GRAP2: variants seen among roughly 807,000 people sequenced by gnomAD.
GRAP2 encodes GRB2-related adapter protein 2.
A neutral mutation model predicts 43.5 loss-of-function variants in GRAP2; 31 were observed. The ratio of observed to expected loss-of-function variants is 0.71; its 90% CI spans 0.54 to 0.96. The LOEUF is 0.96. Among genes scored for constraint, GRAP2 ranks in the 40% least tolerant of loss-of-function variants. GRAP2 has a pLI of 0.00. For missense variants in GRAP2, 371 were observed against 424.4 expected (o/e 0.87, Z 1.11); for synonymous variants, 156 against 164.8 (o/e 0.95, Z 0.41).
chr22:39,928,017 G>A (rs549970992), intron 1 of GRAP2, among the ~76,000 whole-genome samples: 27 of 152,286 alleles, frequency 1.8e-4, no homozygotes, highest in African/African-American at 6.5e-4. Flanking sequence ...AGAGATCACT[G>A]TCCCTAAAGG....
chr22:39,962,962 C>T, intron 4 of GRAP2, among the ~76,000 whole-genome samples: 1 of 152,126 alleles, frequency 6.6e-6, no homozygotes, highest in East Asian at 1.9e-4. Context: ...ACCCACTGTG[C>T]CCGGACCCAG....
intron 1 of GRAP2, among the ~76,000 whole-genome samples, chr22:39,934,407 G>C (rs1296471882): frequency 2.0e-5 from 3 of 152,134 alleles, no homozygotes; most frequent in African/African-American, 7.2e-5. Context: ...AGCCCTACCT[G>C]ATTCAAAAGT....
At chr22:39,910,033 A>G (rs1404770301) in intron 1 of GRAP2, among the ~76,000 whole-genome samples, 8 of 152,254 alleles carry the variant, frequency 5.3e-5, no homozygotes, top group African/African-American at 1.9e-4. Context: ...CCTGCTTCCA[A>G]TCATGTCCCT....
intron 1 of GRAP2, among the ~76,000 whole-genome samples, chr22:39,935,800 C>T (rs2066801159): frequency 6.6e-6 from 1 of 152,132 alleles, no homozygotes; most frequent in Non-Finnish European, 1.5e-5. Flanking sequence ...TCATGCCGTC[C>T]TCTGCTGACA....
In GRAP2 at chr22:39,960,044, C is replaced by T. The variant is rs757916876; in HGVS notation, c.171-11C>T. 45 of 1,613,132 alleles carry T rather than the reference C, an allele frequency of 2.8e-5. No homozygotes were observed. The highest frequency in any genetic ancestry group is 1.1e-4 in the African/African-American group (8 of 75,014). ...TCATCCTGATCCTTTTGTTTGATCT[C>T]GCCCCCACAGATGGTTTCACGAAGG... On this transcript the variant is annotated splice_polypyrimidine_tract_variant and intron_variant, in intron 3 of 7. Transcript: ENST00000344138.
chr22:39,934,371 G>A (rs933900053), intron 1 of GRAP2, among the ~76,000 whole-genome samples: 16 of 152,282 alleles, frequency 1.1e-4, no homozygotes, highest in African/African-American at 3.6e-4. Context: ...CAACTTGCAT[G>A]AATGAAGGAG....
chr22:39,949,330 T>G (rs2066957554), intron 2 of GRAP2, among the ~76,000 whole-genome samples: 1 of 152,134 alleles, frequency 6.6e-6, no homozygotes, highest in African/African-American at 2.4e-5. Context: ...GCTAAGTGGT[T>G]TGCAGGCATG....
At chr22:39,926,952 C>A in intron 1 of GRAP2, 1 of 592,874 alleles carries the variant, frequency 1.7e-6, no homozygotes, top group Non-Finnish European at 2.1e-6. Context: ...CAGCCTGGAT[C>A]CAGCCCAGTT....
intron 1 of GRAP2, among the ~76,000 whole-genome samples, chr22:39,936,411 G>A (rs970964793): frequency 1.3e-5 from 2 of 152,162 alleles, no homozygotes; most frequent in Non-Finnish European, 2.9e-5. Flanking sequence ...AGTGAGGCTC[G>A]AAGTAGCATT....
In GRAP2 at chr22:39,923,988, C is replaced by T. The variant is rs557314726; in HGVS notation, c.-15+22658C>T. ...AAAAATCCCACGTGCTGCTCACTGG[C>T]GTATGTACCATAAAAACTGAACGTA... On this transcript the variant is annotated intron_variant, in intron 1 of 7. Transcript: ENST00000344138. 2.0e-5 allele frequency among the ~76,000 whole-genome samples: 3 copies of T among 152,280 alleles called. No homozygotes were observed. The East Asian group carries it at 5.8e-4, about 29-fold the overall frequency.
intron 1 of GRAP2, among the ~76,000 whole-genome samples, chr22:39,944,960 A>ACTGTC (rs1392582340): frequency 3.9e-5 from 6 of 152,222 alleles, no homozygotes; most frequent in Non-Finnish European, 7.3e-5. Context: ...CGAGGCGACC[A>ACTGTC]CTGTCTACTG....
chr22:39,897,515 C>CTTTTTT (rs368180670), upstream of GRAP2, among the ~76,000 whole-genome samples: 5 of 127,636 alleles, frequency 3.9e-5, no homozygotes, highest in African/African-American at 9.0e-5. Flanking sequence ...AAAGTAGCCT[C>CTTTTTT]TTTTTTTTTT....
At chr22:39,946,284 C>T (rs1056708216) in intron 1 of GRAP2, among the ~76,000 whole-genome samples, 1 of 152,174 alleles carries the variant, frequency 6.6e-6, no homozygotes, top group African/African-American at 2.4e-5. Context: ...CAGCTATCTA[C>T]CAACAAAACT....
intron 1 of GRAP2, among the ~76,000 whole-genome samples, chr22:39,930,769 C>T (rs2066748367): frequency 6.6e-6 from 1 of 152,226 alleles, no homozygotes. Flanking sequence ...AGTCCAATCA[C>T]TGATCCCATC....
At position 39,968,040 on chromosome 22, in the gene GRAP2, AG is replaced by A; in HGVS notation, c.461del. 1 of 1,611,796 alleles carries A rather than the reference AG, an allele frequency of 6.2e-7. No homozygotes were observed. The highest frequency in any genetic ancestry group is 8.5e-7 in the Non-Finnish European group (1 of 1,178,550). ...CTGCAGCATCTCTGTTCTTTCTCCC[AG>A]GGTCACCGGGGCAACAGCCTGGACC... On this transcript the variant is annotated splice_acceptor_variant, in intron 5 of 7. Coordinates refer to ENST00000344138, the MANE Select transcript of GRAP2 (RefSeq NM_004810.4). LOFTEE classifies it high-confidence loss of function.
intron 1 of GRAP2, among the ~76,000 whole-genome samples, chr22:39,901,616 G>A (rs933292948): frequency 4.6e-5 from 7 of 152,100 alleles, no homozygotes; most frequent in African/African-American, 7.2e-5. Flanking sequence ...AAAGATTTTC[G>A]ACCTTGGGAT....
chr22:39,937,843 CAG>C (rs1480772906), intron 1 of GRAP2, among the ~76,000 whole-genome samples: 2 of 152,070 alleles, frequency 1.3e-5, no homozygotes, highest in Non-Finnish European at 2.9e-5. Context: ...CCTCGCCTTG[CAG>C]AGAGTGGCAA....
intron 2 of GRAP2, among the ~76,000 whole-genome samples, chr22:39,950,170 A>C (rs574762978): frequency 6.6e-6 from 1 of 151,982 alleles, no homozygotes; most frequent in Admixed American, 6.6e-5. Context: ...ACACACACAT[A>C]CTTGACCTCC....
intron 1 of GRAP2, among the ~76,000 whole-genome samples, chr22:39,923,969 C>G (rs2066675786): frequency 6.6e-6 from 1 of 152,172 alleles, no homozygotes; most frequent in African/African-American, 2.4e-5. Context: ...TATGAAAAAT[C>G]CCACGTGCTG....
Sources: gnomAD v4.1 joint callset for allele counts (sites outside exome capture counted in the v4.1 genomes callset) on GRCh38, gnomAD v4.1.1 for gene constraint, MANE v1.5 for transcripts, NCBI Gene and HGNC (gene_info 2026-07-23, HGNC 2026-07-21) for gene names.